CNTN4: variants seen among roughly 807,000 people sequenced by gnomAD.
CNTN4 encodes contactin 4, also known as contactin-4.
A neutral mutation model predicts 122.5 loss-of-function variants in CNTN4; 77 were observed. The ratio of observed to expected loss-of-function variants is 0.63; its 90% CI spans 0.52 to 0.76. The LOEUF (loss-of-function observed/expected upper bound fraction) is 0.76, where lower values mean the gene tolerates loss of function less well. CNTN4 is among the 30% of genes least tolerant of loss of function. CNTN4 has a pLI of 0.00. For synonymous variants in CNTN4, 512 were observed against 447.0 expected (o/e 1.15, Z -1.83); for missense variants, 1,256 against 1,259.1 (o/e 1.00, Z 0.04).
intron 2 of CNTN4, among the ~76,000 whole-genome samples, chr3:2,135,596 C>T (rs936853607): frequency 3.3e-5 from 5 of 151,414 alleles, no homozygotes; most frequent in African/African-American, 4.9e-5. Context: ...GTTGTATTTC[C>T]GAGGCTGGTA....
chr3:2,561,665 A>G (rs979876242), intron 3 of CNTN4, among the ~76,000 whole-genome samples: 9 of 152,086 alleles, frequency 5.9e-5, no homozygotes, highest in African/African-American at 2.2e-4. Flanking sequence ...ACAACCCTGT[A>G]TTTTCACTGT....
chr3:2,479,981 A>G (rs1398398907), intron 3 of CNTN4, among the ~76,000 whole-genome samples: 1 of 152,196 alleles, frequency 6.6e-6, no homozygotes, highest in South Asian at 2.1e-4. Context: ...ATATCAATTA[A>G]TGTAATTCAT....
intron 4 of CNTN4, among the ~76,000 whole-genome samples, chr3:2,643,077 G>A (rs189266366): frequency 3.9e-5 from 6 of 152,276 alleles, no homozygotes; most frequent in South Asian, 2.1e-4. Flanking sequence ...AACAATGCAC[G>A]CTAAACTCTA....
chr3:2,181,172 A>G (rs915594329), intron 2 of CNTN4, among the ~76,000 whole-genome samples: 4 of 152,090 alleles, frequency 2.6e-5, no homozygotes, highest in African/African-American at 9.6e-5. Flanking sequence ...TTGATGCATT[A>G]TTGAAAAAAA....
chr3:2,368,141 T>A, intron 3 of CNTN4, among the ~76,000 whole-genome samples: 1 of 150,596 alleles, frequency 6.6e-6, no homozygotes, highest in South Asian at 2.1e-4. Flanking sequence ...CATGCCATTC[T>A]CCTGCCTCAG....
intron 2 of CNTN4, among the ~76,000 whole-genome samples, chr3:2,126,438 C>T (rs2034174395): frequency 6.6e-6 from 1 of 151,976 alleles, no homozygotes; most frequent in South Asian, 2.1e-4. Flanking sequence ...ACTTTCTGAG[C>T]AATAAGAAGT....
At chr3:2,221,882 G>A (rs901082739) in intron 2 of CNTN4, among the ~76,000 whole-genome samples, 1 of 152,024 alleles carries the variant, frequency 6.6e-6, no homozygotes, top group East Asian at 1.9e-4. Context: ...AAATAAAAAA[G>A]ACAGTAATAA....
intron 2 of CNTN4, among the ~76,000 whole-genome samples, chr3:2,327,906 C>T (rs1046900993): frequency 3.3e-5 from 5 of 152,184 alleles, no homozygotes; most frequent in Non-Finnish European, 7.3e-5. Context: ...GCAGACCATA[C>T]AAACTAGAAA....
At chr3:2,523,352 A>G (rs1199748435) in intron 3 of CNTN4, among the ~76,000 whole-genome samples, 1 of 122,464 alleles carries the variant, frequency 8.2e-6, no homozygotes, top group African/African-American at 2.9e-5. Flanking sequence ...AAAGCAAGAG[A>G]CCTTAAAAAA....
chr3:2,607,753 A>C (rs1229197670), intron 4 of CNTN4, among the ~76,000 whole-genome samples: 2 of 152,158 alleles, frequency 1.3e-5, no homozygotes, highest in Admixed American at 1.3e-4. Context: ...TTTAAATGCT[A>C]TGTTAAAAAA....
chr3:2,699,984 G>A (rs1240797065), intron 4 of CNTN4, among the ~76,000 whole-genome samples: 1 of 152,100 alleles, frequency 6.6e-6, no homozygotes, highest in Non-Finnish European at 1.5e-5. Context: ...CCAAACAGAT[G>A]GAATGGCAAG....
chr3:2,733,216 G>T (rs1415635305), intron 4 of CNTN4, among the ~76,000 whole-genome samples: 2 of 152,140 alleles, frequency 1.3e-5, no homozygotes, highest in African/African-American at 4.8e-5. Context: ...CCAATGAATT[G>T]AGATGATTGA....
chr3:2,627,772 C>A (rs553372115), intron 4 of CNTN4, among the ~76,000 whole-genome samples: 3 of 152,224 alleles, frequency 2.0e-5, no homozygotes, highest in South Asian at 4.1e-4. Flanking sequence ...GGATTACAGG[C>A]GTGAGCCACC....
chr3:2,469,391 A>G (rs2075610139), intron 3 of CNTN4, among the ~76,000 whole-genome samples: 1 of 152,220 alleles, frequency 6.6e-6, no homozygotes. Context: ...GCAGGTGCTC[A>G]TTCTGTCCCA....
intron 4 of CNTN4, among the ~76,000 whole-genome samples, chr3:2,641,246 G>C (rs145029656): frequency 6.6e-6 from 1 of 151,988 alleles, no homozygotes; most frequent in Non-Finnish European, 1.5e-5. Flanking sequence ...GGTGCTTCCA[G>C]TGTGACATGT....
At chr3:3,034,939 T>C (rs1033825081) in intron 17 of CNTN4, 149 bp downstream of exon 17, 15 of 851,816 alleles carry the variant, frequency 1.8e-5, no homozygotes, top group Non-Finnish European at 2.9e-5. Flanking sequence ...AACTGTACTA[T>C]CATTAATATT....
intron 4 of CNTN4, among the ~76,000 whole-genome samples, chr3:2,675,915 C>T (rs984584878): frequency 1.3e-5 from 2 of 152,156 alleles, no homozygotes; most frequent in African/African-American, 4.8e-5. Flanking sequence ...CTTCTACCAA[C>T]AAGAAAACTG....
intron 7 of CNTN4, among the ~76,000 whole-genome samples, chr3:2,820,537 C>G (rs746375737): frequency 3.3e-5 from 5 of 152,050 alleles, no homozygotes; most frequent in Non-Finnish European, 7.4e-5. Flanking sequence ...TGGCCATTTT[C>G]CAGCCCTTCT....
intron 4 of CNTN4, among the ~76,000 whole-genome samples, chr3:2,611,386 A>C (rs1373635394): frequency 2.6e-5 from 4 of 151,514 alleles, no homozygotes; most frequent in African/African-American, 9.7e-5. Context: ...TTTCAAGGGT[A>C]CTGATAGCCA....
Sources: gnomAD v4.1 joint callset for allele counts (sites outside exome capture counted in the v4.1 genomes callset) on GRCh38, gnomAD v4.1.1 for gene constraint, MANE v1.5 for transcripts, NCBI Gene and HGNC (gene_info 2026-07-23, HGNC 2026-07-21) for gene names.